Variants in DSC2 observed in about 807,000 individuals in gnomAD.
DSC2 encodes desmocollin-2.
A neutral mutation model predicts 87.6 loss-of-function variants in DSC2; 51 were observed. The ratio of observed to expected loss-of-function variants is 0.58; its 90% confidence interval spans 0.46 to 0.74. The LOEUF (loss-of-function observed/expected upper bound fraction) is 0.74. Among genes scored for constraint, DSC2 ranks in the 30% least tolerant of loss-of-function variants. DSC2 has a pLI of 0.00. For missense variants in DSC2, 1,066 were observed against 1,089.5 expected, an observed-to-expected ratio of 0.98 and a Z score of 0.30; for synonymous variants, 383 against 393.2, an observed-to-expected ratio of 0.97 and a Z score of 0.31.
rs201845641 is a variant in DSC2 at position 31,074,842 on chromosome 18, T to G, written c.1729A>C (p.Ile577Leu). 1.1e-5 allele frequency: 18 copies of G among 1,613,872 alleles called. No homozygotes were observed. In the Admixed American group the frequency reaches 3.0e-4, roughly 27 times the overall value. The change falls in exon 12 of 16, where the codon ATA becomes CTA. Residue 577 changes from isoleucine to leucine, a missense_variant. By Grantham distance (5) the Ile-to-Leu change is conservative. Transcript: ENST00000280904. ...CAGATGATCACTGTCTTTTTAGGTA[T>G]GAATGGGCTGTTATCATTCACGTCT... is the stretch of plus-strand genomic sequence containing the variant. ...LQDVNDNSPF[I>L]PKKTVIICKP...
rs1431679713 is a variant in DSC2, at chr18:31,066,430, A to C, written c.*1585T>G. The C allele has an allele frequency of 6.6e-6, 1 of 152,162 alleles. No homozygotes were observed. The allele number at this position is 152,162 out of a possible 1,614,324, so 9.4% of individuals were successfully genotyped here. ...TAAGAATTTTGTATATACTTTATTA[A>C]AAATAACTTTGGAAAACTATTTTTG... On this transcript the variant is annotated 3_prime_UTR_variant, in exon 16 of 16. Coordinates refer to ENST00000280904, the MANE Select transcript of DSC2 (RefSeq NM_024422.6).
Position 31,064,333 on chromosome 18 carries a change from T to G in DSC2, c.*3682A>C, listed in dbSNP as rs1251836694. On this transcript the variant is annotated 3_prime_UTR_variant, in exon 16 of 16. Coordinates refer to ENST00000280904, the MANE Select transcript of DSC2 (RefSeq NM_024422.6). The stretch of plus-strand genomic sequence containing the variant: ...GAGAGTGGCTGATTCATCTTGCACT[T>G]TCTCATAGAAGCACAGTCCTTCTAG... The G allele has an allele frequency of 2.0e-5, 3 of 152,186 alleles. No homozygotes were observed. Among genetic ancestry groups the G allele is most frequent in the Non-Finnish European group, 4.4e-5 (3 of 68,046 alleles). The allele number at this position is 152,186 out of a possible 1,614,324, so 9.4% of individuals were successfully genotyped here.
chr18:31,066,195 T>G lies in DSC2; in HGVS notation c.*1820A>C, dbSNP rs1003273166. On this transcript the variant is annotated 3_prime_UTR_variant, in exon 16 of 16. Coordinates refer to ENST00000280904, the MANE Select transcript of DSC2 (RefSeq NM_024422.6). ...CTCACAGCCTTTAGAATAGTCATAT[T>G]ATATAAATATGGCAATAACAATGCA... The G allele has an allele frequency of 1.3e-5, 2 of 152,210 alleles. No homozygotes were observed. Among genetic ancestry groups the G allele is most frequent in the Non-Finnish European group, 2.9e-5 (2 of 68,034 alleles). The allele number at this position is 152,210 out of a possible 1,614,324, so 9.4% of individuals were successfully genotyped here. A position where few individuals can be genotyped will look rare whatever the true frequency, so the allele number is the denominator to read the frequency against.
intron 7 of DSC2, among the ~76,000 whole-genome samples, chr18:31,084,049 T>A (rs1403748432): frequency 6.6e-6 from 1 of 152,194 alleles, no homozygotes; most frequent in East Asian, 1.9e-4. Context: ...AATTTATCTC[T>A]TTTCATAAGA....
intron 11 of DSC2, among the ~76,000 whole-genome samples, chr18:31,075,251 C>A (rs1039584811): frequency 4.6e-5 from 7 of 152,026 alleles, no homozygotes; most frequent in African/African-American, 1.7e-4. Flanking sequence ...TGGAAACGCA[C>A]GTTATACACA....
chr18:31,070,803 G>A lies in DSC2; in HGVS notation c.2173C>T (p.Pro725Ser), dbSNP rs1986800164. 3 of 1,613,816 alleles carry A rather than the reference G, an allele frequency of 1.9e-6. No homozygotes were observed. The highest frequency in any genetic ancestry group is 2.5e-6 in the Non-Finnish European group (3 of 1,179,900). The change falls in exon 14 of 16, where the codon CCA becomes TCA. Residue 725 changes from proline (P) to serine (S), a missense_variant. Coordinates refer to ENST00000280904, the MANE Select transcript of DSC2 (RefSeq NM_024422.6). ...VCGASGTSKQ[P>S]KVIPDDLAQQ... ...GCTAAATCATCAGGAATTACTTTTG[G>A]TTGTTTAGACGTCCCAGAAGCCCCA...
At chr18:31,085,036 T>C (rs1987351283) in intron 7 of DSC2, among the ~76,000 whole-genome samples, 1 of 152,092 alleles carries the variant, frequency 6.6e-6, no homozygotes, top group African/African-American at 2.4e-5. Flanking sequence ...GATTTTAACG[T>C]AATAAAGTAC....
At chr18:31,087,190 G>A (rs1424832779) in intron 6 of DSC2, among the ~76,000 whole-genome samples, 1 of 152,154 alleles carries the variant, frequency 6.6e-6, no homozygotes, top group Non-Finnish European at 1.5e-5. Context: ...TCACAGGGCT[G>A]AGAAAATGTT....
At chr18:31,075,454 T>C (rs888854572) in intron 11 of DSC2, among the ~76,000 whole-genome samples, 2 of 152,200 alleles carry the variant, frequency 1.3e-5, no homozygotes, top group African/African-American at 4.8e-5. Flanking sequence ...CATGGGAATA[T>C]TCAAAGGGCA....
At position 31,083,581 on chromosome 18, in the gene DSC2, G is replaced by A. The variant is rs550806875; in HGVS notation, c.943-521C>T. The stretch of plus-strand genomic sequence containing the variant: ...ATAGACAGCAATGACTCTTAAAATA[G>A]TCTTTTAACAAAACAATAAAATGAA... On this transcript the variant is annotated intron_variant, in intron 7 of 15. Coordinates refer to ENST00000280904, the MANE Select transcript of DSC2 (RefSeq NM_024422.6). Among the ~76,000 whole-genome samples the A allele has an allele frequency of 2.6e-5, 4 of 152,156 alleles. No individual in the cohort carries two copies. In the South Asian group the frequency reaches 8.3e-4, roughly 32 times the overall value.
intron 1 of DSC2, among the ~76,000 whole-genome samples, chr18:31,097,775 T>C (rs1987810082): frequency 6.6e-6 from 1 of 151,816 alleles, no homozygotes; most frequent in Non-Finnish European, 1.5e-5. Flanking sequence ...TCCCTAAAAG[T>C]TGTAACTTTT....
chr18:31,089,682 A>G, intron 4 of DSC2, 88 bp from the exon 5 acceptor site: 1 of 1,262,862 alleles, frequency 7.9e-7, no homozygotes, highest in Non-Finnish European at 1.1e-6. Flanking sequence ...TTGCCATTTT[A>G]TTAGTTTAAA....
At chr18:31,075,907 C>T (rs67808411) in intron 11 of DSC2, among the ~76,000 whole-genome samples, 36,469 of 151,862 alleles carry the variant, frequency 0.24, 4,657 homozygotes, top group Middle Eastern at 0.33. Flanking sequence ...TACAGGATGA[C>T]GACTTTATAT....
rs552776637 is a variant in DSC2, at chr18:31,064,457, T to C, written c.*3558A>G. The C allele has an allele frequency of 6.6e-6, 1 of 152,324 alleles. No individual in the cohort carries two copies. The highest frequency in any genetic ancestry group is 2.1e-4 in the South Asian group (1 of 4,830). The allele number at this position is 152,324 out of a possible 1,614,324, so 9.4% of individuals were successfully genotyped here. A position where few individuals can be genotyped will look rare whatever the true frequency, so the allele number is the denominator to read the frequency against. Reference sequence around the variant, plus strand: ...ATGAATGAAATTGTGTCTACAATTCTCAAAAGTTTGGCAGTTTTTGGCAAA... The same window carrying C: ...ATGAATGAAATTGTGTCTACAATTCCCAAAAGTTTGGCAGTTTTTGGCAAA... On this transcript the variant is annotated 3_prime_UTR_variant, in exon 16 of 16. Coordinates refer to ENST00000280904, the MANE Select transcript of DSC2 (RefSeq NM_024422.6).
In DSC2 at chr18:31,070,710, A is replaced by C. The variant is rs775049004; in HGVS notation, c.2250+16T>G. 6.8e-6 allele frequency: 11 copies of C among 1,613,482 alleles called. No individual in the cohort carries two copies. The highest frequency in any genetic ancestry group is 9.3e-6 in the Non-Finnish European group (11 of 1,179,574). ...AATTCATCCTTTGTATTTATTTAAA[A>C]AGCCAGACTACTTACCACTTTGTCA... On this transcript the variant is annotated intron_variant, in intron 14 of 15. Transcript: ENST00000280904.
At chr18:31,068,359 T>G (rs1480051387) in intron 15 of DSC2, 147 bp from the exon 16 acceptor site, 1 of 1,611,384 alleles carries the variant, frequency 6.2e-7, no homozygotes, top group African/African-American at 1.3e-5. Flanking sequence ...ACATAAAAAA[T>G]GCACATGATT....
chr18:31,097,170 C>T (rs2144858976), intron 1 of DSC2, among the ~76,000 whole-genome samples: 1 of 151,708 alleles, frequency 6.6e-6, no homozygotes, highest in South Asian at 2.1e-4. Context: ...CACCGGTAGT[C>T]CCGGCTACTC....
chr18:31,086,619 G>T lies in DSC2; in HGVS notation c.899C>A (p.Thr300Asn), dbSNP rs1446499468. 6.2e-7 allele frequency: 1 copy of T among 1,614,172 alleles called. No individual in the cohort carries two copies. ...PSPTLFSMHP[T>N]TGVITTTSSQ... ...TGATGTTGTGGTGATCACGCCTGTA[G>T]TTGGATGCATAGAAAATAGGGTGGG... is the stretch of plus-strand genomic sequence containing the variant. The change falls in exon 7 of 16, where the codon ACT becomes AAT. Residue 300 changes from threonine (T) to asparagine (N), a missense_variant. Physicochemically the swap from Thr to Asn is moderately conservative, Grantham distance 65 (BLOSUM62 0). Coordinates refer to ENST00000280904, the MANE Select transcript of DSC2 (RefSeq NM_024422.6).
Position 31,070,837 on chromosome 18 carries a change from C to A in DSC2, c.2139G>T (p.Thr713=), listed in dbSNP as rs112532429. 3 of 1,613,478 alleles carry A rather than the reference C, an allele frequency of 1.9e-6. No homozygotes were observed. The highest frequency in any genetic ancestry group is 1.6e-4 in the Middle Eastern group (1 of 6,082). Residue 713 remains threonine, a synonymous_variant, in exon 14 of 16, where the codon ACG becomes ACT. Coordinates refer to ENST00000280904, the MANE Select transcript of DSC2 (RefSeq NM_024422.6). ...ACGTCCCAGAAGCCCCACAGACCAG[C>A]GTAAACAGGATGCCTGGAGGAAGAA... ...GIALLFCILF[T]LVCGASGTSK...
Sources: gnomAD v4.1 joint callset for allele counts (sites outside exome capture counted in the v4.1 genomes callset) on GRCh38, gnomAD v4.1.1 for gene constraint, MANE v1.5 for transcripts, NCBI Gene and HGNC (gene_info 2026-07-23, HGNC 2026-07-21) for gene names.